KNTC1: variants seen among roughly 807,000 people sequenced by gnomAD.
KNTC1 encodes the protein kinetochore-associated protein 1.
In KNTC1, 253 loss-of-function variants were observed where a neutral mutation model predicts 314.4. The observed-to-expected ratio is 0.80, with a 90% CI of 0.73 to 0.89. The LOEUF (loss-of-function observed/expected upper bound fraction) is 0.89, where lower values mean the gene tolerates loss of function less well. KNTC1 is among the 40% of genes least tolerant of loss of function. KNTC1 has a pLI of 0.00. For missense variants in KNTC1, 2,475 were observed against 2,572.9 expected (o/e 0.96, Z 0.82); for synonymous variants, 901 against 901.4 (o/e 1.00, Z 0.01).
intron 16 of KNTC1, among the ~76,000 whole-genome samples, chr12:122,556,969 T>C (rs1963643175): frequency 6.8e-6 from 1 of 146,118 alleles, no homozygotes; most frequent in Non-Finnish European, 1.5e-5. Flanking sequence ...TTGCCCAGGC[T>C]GGGCTCGAAC....
intron 16 of KNTC1, among the ~76,000 whole-genome samples, chr12:122,553,853 T>C (rs1014330181): frequency 2.0e-5 from 3 of 151,946 alleles, no homozygotes; most frequent in African/African-American, 7.3e-5. Flanking sequence ...TTTCAACTAC[T>C]ACAGAGAAGA....
rs772323833 is a variant in KNTC1, at chr12:122,551,375, T to A, written c.1130+13T>A. ...AAAATGATCCAAAGTAGGTCATGTTTTACCGTGTTAAGTAATAGCTATGTT... is the reference window on the plus strand; with the variant it reads ...AAAATGATCCAAAGTAGGTCATGTTATACCGTGTTAAGTAATAGCTATGTT... On this transcript the variant is annotated intron_variant, in intron 14 of 63. Transcript: ENST00000333479. 2.5e-6 allele frequency: 4 copies of A among 1,593,716 alleles called. No homozygotes were observed. In the Admixed American group the frequency reaches 6.9e-5, roughly 28 times the overall value.
chr12:122,596,540 A>C (rs199503128), intron 43 of KNTC1, among the ~76,000 whole-genome samples: 12 of 151,908 alleles, frequency 7.9e-5, no homozygotes, highest in African/African-American at 1.4e-4. Context: ...TTTAAAAAAA[A>C]AAAACAAAAC....
At chr12:122,554,380 C>G (rs1355572952) in intron 16 of KNTC1, among the ~76,000 whole-genome samples, 1 of 151,896 alleles carries the variant, frequency 6.6e-6, no homozygotes, top group African/African-American at 2.4e-5. Context: ...CCATACCCAG[C>G]AAGAATAATT....
rs1565961758 is a variant in KNTC1, at chr12:122,565,254, A to ATTTTT, written c.1604+2555_1604+2556insTTTTT. Among the ~76,000 whole-genome samples the ATTTTT allele has an allele frequency of 1.9e-4, 26 of 139,566 alleles. 1 individual carries two copies. Among genetic ancestry groups the ATTTTT allele is most frequent in the Non-Finnish European group, 3.3e-4 (22 of 65,784 alleles). The allele number at this position is 139,566 out of a possible 152,430, so 91.6% of individuals were successfully genotyped here. A position where few individuals can be genotyped will look rare whatever the true frequency, so the allele number is the denominator to read the frequency against. On this transcript the variant is annotated intron_variant, in intron 20 of 63. Coordinates refer to ENST00000333479, the MANE Select transcript of KNTC1 (RefSeq NM_014708.6). ...TCTCTTGAGTTGTTTTTTTTTTTTAAAAAAAAAAAAACAGAGCTATTTCTG... is the reference window on the plus strand; with the variant it reads ...TCTCTTGAGTTGTTTTTTTTTTTTAATTTTTAAAAAAAAAAACAGAGCTATTTCTG...
intron 6 of KNTC1, 96 bp downstream of exon 6, chr12:122,542,223 A>T: frequency 1.2e-6 from 1 of 800,980 alleles, no homozygotes; most frequent in South Asian, 2.1e-5. Context: ...CTTTAAGCTT[A>T]TTTTATCTTA....
At position 122,615,203 on chromosome 12, in the gene KNTC1, T is replaced by A. The variant is rs1873639202; in HGVS notation, c.5973+117T>A. 12 of 828,520 alleles carry A rather than the reference T, an allele frequency of 1.4e-5. No individual in the cohort carries two copies. In the South Asian group the frequency reaches 1.9e-4, roughly 13 times the overall value. The allele number at this position is 828,520 out of a possible 1,614,324, so 51.3% of individuals were successfully genotyped here. A position where few individuals can be genotyped will look rare whatever the true frequency, so the allele number is the denominator to read the frequency against. On this transcript the variant is annotated intron_variant, in intron 56 of 63. Coordinates refer to ENST00000333479, the MANE Select transcript of KNTC1 (RefSeq NM_014708.6). ...AGATTTATGCTGAAAACACAGTCAC[T>A]CTCACTGAGCTCATGCCAAACTTAA...
At chr12:122,550,936 G>A (rs1471300607) in intron 13 of KNTC1, among the ~76,000 whole-genome samples, 2 of 152,094 alleles carry the variant, frequency 1.3e-5, no homozygotes, top group South Asian at 4.1e-4. Flanking sequence ...CACAAATACT[G>A]CACAGGTAAT....
Position 122,586,962 on chromosome 12 carries a change from G to T in KNTC1, c.3730+205G>T, listed in dbSNP as rs143193770. On this transcript the variant is annotated intron_variant, in intron 38 of 63. Transcript: ENST00000333479. The stretch of plus-strand genomic sequence containing the variant: ...CCCAAGTAGCTGGGATTACAGGCGT[G>T]TGCCACCACGCCGAGCTAGTTCTTT... Among the ~76,000 whole-genome samples the T allele has an allele frequency of 1.2e-3, 178 of 152,240 alleles. 4 individuals carry two copies. The East Asian group carries it at 0.031, about 27-fold the overall frequency.
intron 12 of KNTC1, among the ~76,000 whole-genome samples, chr12:122,549,344 T>C (rs1304371270): frequency 6.6e-6 from 1 of 150,848 alleles, no homozygotes; most frequent in Non-Finnish European, 1.5e-5. Context: ...TTTTGGTTTT[T>C]TGTTTTTTAT....
chr12:122,566,246 CTTT>C (rs150492240), intron 20 of KNTC1, among the ~76,000 whole-genome samples: 1 of 139,306 alleles, frequency 7.2e-6, no homozygotes, highest in Non-Finnish European at 1.6e-5. Context: ...CGGCCTAAAT[CTTT>C]TTTTTTTTTT....
chr12:122,570,084 T>C (rs566304844), intron 22 of KNTC1, among the ~76,000 whole-genome samples: 2 of 152,292 alleles, frequency 1.3e-5, no homozygotes, highest in African/African-American at 4.8e-5. Context: ...TTCTCACTTA[T>C]TTGTGGGATC....
intron 62 of KNTC1, among the ~76,000 whole-genome samples, chr12:122,622,890 G>A (rs764533120): frequency 6.6e-6 from 1 of 152,008 alleles, no homozygotes; most frequent in African/African-American, 2.4e-5. Context: ...AGAGGTTGCA[G>A]TGAGCCGAGA....
chr12:122,618,267 T>A (rs1273113150), intron 57 of KNTC1, 76 bp from the exon 58 acceptor site: 1 of 1,321,886 alleles, frequency 7.6e-7, no homozygotes, highest in Non-Finnish European at 1.1e-6. Context: ...CCACCGCGCC[T>A]GGCCTAGACT....
At chr12:122,611,095 A>T (rs1873068455) in intron 53 of KNTC1, 195 bp downstream of exon 53, 4 of 585,600 alleles carry the variant, frequency 6.8e-6, no homozygotes, top group Non-Finnish European at 1.2e-5. Flanking sequence ...TCTCTGTAAC[A>T]TCTGCTTAGC....
In KNTC1 at chr12:122,603,178, T is replaced by C; in HGVS notation, c.5036T>C (p.Leu1679Pro). 1 of 1,613,288 alleles carries C rather than the reference T, an allele frequency of 6.2e-7. No individual in the cohort carries two copies. The highest frequency in any genetic ancestry group is 8.5e-7 in the Non-Finnish European group (1 of 1,179,730). Reference sequence around the variant, plus strand: ...ACGCAGACCATCGAATCCTGCTTACTCTCTATAGTCAACCCAGAGTGGGCT... The same window carrying C: ...ACGCAGACCATCGAATCCTGCTTACCCTCTATAGTCAACCCAGAGTGGGCT... ...KITQTIESCLLSIVNPEWAVA... is the reference protein window; with the variant it reads ...KITQTIESCLPSIVNPEWAVA... The change falls in exon 48 of 64, where the codon CTC becomes CCC. Residue 1679 changes from leucine (L) to proline (P), a missense_variant. Leu to Pro is a moderately conservative substitution (Grantham distance 98). Coordinates refer to ENST00000333479, the MANE Select transcript of KNTC1 (RefSeq NM_014708.6).
In KNTC1 at chr12:122,585,633, T is replaced by G. The variant is rs1278186161; in HGVS notation, c.3535-3T>G. 2 of 1,613,792 alleles carry G rather than the reference T, an allele frequency of 1.2e-6. No individual in the cohort carries two copies. The highest frequency in any genetic ancestry group is 1.7e-6 in the Non-Finnish European group (2 of 1,179,784). On this transcript the variant is annotated splice_polypyrimidine_tract_variant and splice_region_variant and intron_variant, in intron 36 of 63. Transcript: ENST00000333479. ...TCTCTTTTTTGTATGATTTGGCACC[T>G]AGGCTTCTTTTGGGACACATAAAGA...
chr12:122,557,545 T>C, intron 17 of KNTC1, 36 bp downstream of exon 17: 3 of 1,612,026 alleles, frequency 1.9e-6, no homozygotes, highest in East Asian at 2.2e-5. Flanking sequence ...AGTATTTAGA[T>C]TGACGTGTTG....
At chr12:122,614,754 G>A (rs370043945) in intron 55 of KNTC1, among the ~76,000 whole-genome samples, 11 of 152,064 alleles carry the variant, frequency 7.2e-5, no homozygotes, top group East Asian at 3.9e-4. Context: ...GATGGCGGCC[G>A]CCTGTAATCC....
Sources: gnomAD v4.1 joint callset for allele counts (sites outside exome capture counted in the v4.1 genomes callset) on GRCh38, gnomAD v4.1.1 for gene constraint, MANE v1.5 for transcripts, NCBI Gene and HGNC (gene_info 2026-07-23, HGNC 2026-07-21) for gene names.